DENND2B: variants seen among roughly 807,000 people sequenced by gnomAD.
The protein encoded by DENND2B is DENN domain containing 2B, also known as DENN domain-containing protein 2B.
Under a neutral mutation model 116.0 loss-of-function variants are expected in DENND2B, and 32 were observed. That is an observed-to-expected ratio of 0.28 (90% CI 0.21 to 0.37). DENND2B has a LOEUF of 0.37. Ranked by LOEUF, DENND2B falls within the 10% of genes least tolerant of loss-of-function variation. The probability of loss-of-function intolerance (pLI) is 1.00; values close to 1 mark genes in which losing one functional copy is unlikely to be tolerated. For synonymous variants in DENND2B, 588 were observed against 583.9 expected, an observed-to-expected ratio of 1.01 and a Z score of -0.10; for missense variants, 1,276 against 1,477.7, an observed-to-expected ratio of 0.86 and a Z score of 2.24.
chr11:8,740,095 C>A (rs1034934024), intron 2 of DENND2B, among the ~76,000 whole-genome samples: 21 of 151,256 alleles, frequency 1.4e-4, no homozygotes, highest in Non-Finnish European at 2.7e-4. Context: ...GAGGCTGAGG[C>A]AGGAGGATCC....
At position 8,870,488 on chromosome 11, in the gene DENND2B, CTGTGTGTGTTGTGCGTGTGTATGTG is replaced by C. The variant is rs1235211998; in HGVS notation, c.-250+441_-250+465del. Among the ~76,000 whole-genome samples the C allele has an allele frequency of 2.0e-5, 3 of 149,338 alleles. No homozygotes were observed. In the East Asian group the frequency reaches 6.0e-4, roughly 30 times the overall value. On this transcript the variant is annotated intron_variant, in intron 2 of 6. Coordinates refer to the DENND2B transcript ENST00000524757. ...TTTCCTTTGTTTGAGTTCCGTGTGTCTGTGTGTGTTGTGCGTGTGTATGTGTGTGTGTGTGTGCGCGCGCGCGCGC... is the reference window on the plus strand; with the variant it reads ...TTTCCTTTGTTTGAGTTCCGTGTGTCTGTGTGTGTGTGCGCGCGCGCGCGC...
intron 1 of DENND2B, among the ~76,000 whole-genome samples, chr11:8,893,076 T>G (rs2064054599): frequency 1.3e-5 from 2 of 152,208 alleles, no homozygotes; most frequent in African/African-American, 4.8e-5. Context: ...ATCCCTGGGA[T>G]GCAAGGCTGG....
At chr11:8,884,616 G>T (rs2063940483) in intron 1 of DENND2B, among the ~76,000 whole-genome samples, 1 of 152,188 alleles carries the variant, frequency 6.6e-6, no homozygotes, top group Admixed American at 6.5e-5. Context: ...GGACCAGGCA[G>T]CCTAGGAGTT....
chr11:8,845,317 C>G (rs1481414530), intron 3 of DENND2B: 1 of 152,164 alleles, frequency 6.6e-6, no homozygotes, highest in Non-Finnish European at 1.5e-5. Flanking sequence ...AAAAGCTAAG[C>G]AGGGTCAGGC....
chr11:8,792,888 C>T (rs889409291), intron 1 of DENND2B, among the ~76,000 whole-genome samples: 5 of 152,202 alleles, frequency 3.3e-5, no homozygotes, highest in Admixed American at 1.3e-4. Context: ...ATAATGAGCA[C>T]ACCCTTTGAT....
chr11:8,888,516 C>T (rs1214891751), intron 1 of DENND2B, among the ~76,000 whole-genome samples: 2 of 152,054 alleles, frequency 1.3e-5, no homozygotes, highest in African/African-American at 2.4e-5. Context: ...GTTGAATTGG[C>T]AATCATTTCT....
At chr11:8,792,092 C>A (rs867932123) in intron 1 of DENND2B, among the ~76,000 whole-genome samples, 2 of 145,330 alleles carry the variant, frequency 1.4e-5, no homozygotes, top group Non-Finnish European at 3.1e-5. Context: ...GTAATCCCAG[C>A]TACTTGGGAG....
At chr11:8,769,479 C>G (rs1003638312) in intron 1 of DENND2B, among the ~76,000 whole-genome samples, 1 of 152,080 alleles carries the variant, frequency 6.6e-6, no homozygotes, top group East Asian at 1.9e-4. Flanking sequence ...AGGCTGGTAT[C>G]GAACTCCTGA....
intron 1 of DENND2B, among the ~76,000 whole-genome samples, chr11:8,806,336 T>C (rs2060833651): frequency 6.6e-6 from 1 of 152,096 alleles, no homozygotes; most frequent in Non-Finnish European, 1.5e-5. Context: ...TGAGAAACTG[T>C]GGTGGTTTCG....
At chr11:8,756,908 G>C in intron 1 of DENND2B, 1 of 398,480 alleles carries the variant, frequency 2.5e-6, no homozygotes, top group Non-Finnish European at 5.0e-6. Flanking sequence ...AGTCTAGGCA[G>C]AAACTGCATG....
chr11:8,821,785 A>ATTTGT (rs770515906), intron 4 of DENND2B, among the ~76,000 whole-genome samples: 10 of 152,052 alleles, frequency 6.6e-5, no homozygotes, highest in Admixed American at 6.5e-5. Flanking sequence ...GCTATTGTAG[A>ATTTGT]TTTGTTTTGT....
intron 1 of DENND2B, among the ~76,000 whole-genome samples, chr11:8,755,605 A>G (rs1287706186): frequency 6.6e-6 from 1 of 152,170 alleles, no homozygotes; most frequent in Admixed American, 6.5e-5. Context: ...AAAGGAAACC[A>G]ACTCTAAGCC....
chr11:8,704,856 C>T (rs1592429337), intron 13 of DENND2B, among the ~76,000 whole-genome samples: 2 of 152,096 alleles, frequency 1.3e-5, no homozygotes, highest in South Asian at 4.2e-4. Context: ...CGCCACCACA[C>T]CTGGCAATTT....
At chr11:8,853,191 C>G (rs143837779) in intron 3 of DENND2B, among the ~76,000 whole-genome samples, 2,679 of 152,128 alleles carry the variant, frequency 0.018, 86 homozygotes, top group African/African-American at 0.061. Context: ...TGGTAAACCC[C>G]GTCCCTACTA....
chr11:8,750,649 T>A lies in DENND2B; in HGVS notation c.52A>T (p.Thr18Ser). ...NSSITHGAGGTKAPRGTLSRS... is the reference protein window; with the variant it reads ...NSSITHGAGGSKAPRGTLSRS... ...CTCAGAGTCCCCCGAGGGGCTTTAG[T>A]GCCACCAGCTCCGTGGGTGATGCTG... Residue 18 changes from threonine to serine, a missense_variant, in exon 2 of 20, where the codon ACT (threonine) becomes TCT (serine). Physicochemically the swap from Thr to Ser is moderately conservative, Grantham distance 58. This residue lies in a region of DENND2B where 856 missense variants were observed against 846.6 expected (regional missense o/e 1.01). Transcript: ENST00000313726. 6.2e-7 allele frequency: 1 copy of A among 1,614,162 alleles called. No homozygotes were observed. Among genetic ancestry groups the A allele is most frequent in the Admixed American group, 1.7e-5 (1 of 60,026 alleles).
In DENND2B at chr11:8,706,236, T is replaced by A. The variant is rs375977004; in HGVS notation, c.2571+849A>T. On this transcript the variant is annotated intron_variant, in intron 13 of 19. Coordinates refer to ENST00000313726, the MANE Select transcript of DENND2B (RefSeq NM_213618.2). ...CTCCAGCACCACTGCACAATATGGG[T>A]GGCAGAGTGAGACCCTGTCTCAAAA... Among the ~76,000 whole-genome samples, 12 of 152,234 alleles carry A rather than the reference T, an allele frequency of 7.9e-5. No homozygotes were observed. In the South Asian group the frequency reaches 2.5e-3, roughly 32 times the overall value.
chr11:8,714,166 A>G, intron 7 of DENND2B, 124 bp from the exon 8 acceptor site: 3 of 982,240 alleles, frequency 3.1e-6, no homozygotes, highest in Non-Finnish European at 3.2e-6. Context: ...CTCTGGGCCC[A>G]TGGTCAGGCA....
Position 8,825,094 on chromosome 11 carries a change from C to T in DENND2B, c.-114-13759G>A, listed in dbSNP as rs1040871387. Among the ~76,000 whole-genome samples the T allele has an allele frequency of 2.4e-4, 36 of 152,228 alleles. 2 individuals are homozygous for T. Among genetic ancestry groups the T allele is most frequent in the South Asian group, 1.5e-3 (7 of 4,814 alleles). Reference sequence around the variant, plus strand: ...TTCTGTTTTTAGGTCTTTGAGGTATCGCAACACTGTCTTCCACAATGGTTG... The same window carrying T: ...TTCTGTTTTTAGGTCTTTGAGGTATTGCAACACTGTCTTCCACAATGGTTG... On this transcript the variant is annotated intron_variant, in intron 4 of 6. Transcript: ENST00000524757.
At chr11:8,696,806 C>T (rs966763219) in intron 17 of DENND2B, 140 bp from the exon 18 acceptor site, 10 of 1,347,436 alleles carry the variant, frequency 7.4e-6, no homozygotes, top group Admixed American at 4.6e-5. Flanking sequence ...TTTTTGAGAC[C>T]GAGTTTCACT....
Sources: allele counts gnomAD v4.1 joint callset (sites outside exome capture counted in the v4.1 genomes callset), GRCh38; gene constraint gnomAD v4.1.1; regional missense constraint gnomAD v4.1.1; transcripts MANE v1.5; gene names NCBI Gene and HGNC (gene_info 2026-07-23, HGNC 2026-07-21).